The following HM13 variants were observed in gnomAD, a reference collection of about 807,000 sequenced individuals.
HM13 encodes the protein signal peptide peptidase.
HM13 carries 18 observed loss-of-function variants against 50.0 expected under a neutral mutation model. That is an observed-to-expected ratio of 0.36 (90% CI 0.25 to 0.53). The LOEUF (loss-of-function observed/expected upper bound fraction) is 0.53. HM13 is among the 20% of genes least tolerant of loss of function. The pLI, the probability that HM13 is intolerant of heterozygous loss-of-function variation, is 0.90. For missense variants in HM13, 393 were observed against 552.4 expected (o/e 0.71, Z 2.89); for synonymous variants, 197 against 232.6 (o/e 0.85, Z 1.39).
At chr20:31,543,428 G>A (rs1158919392) in intron 3 of HM13, among the ~76,000 whole-genome samples, 1 of 152,100 alleles carries the variant, frequency 6.6e-6, no homozygotes, top group Non-Finnish European at 1.5e-5. Flanking sequence ...TGGGATTACA[G>A]GCACCTGCCA....
chr20:31,537,484 C>G (rs556642832), intron 2 of HM13, among the ~76,000 whole-genome samples: 1 of 152,236 alleles, frequency 6.6e-6, no homozygotes, highest in Admixed American at 6.5e-5. Flanking sequence ...CTTATTCCCT[C>G]CAGGTTAGAG....
chr20:31,516,200 A>T (rs556338074), intron 1 of HM13, among the ~76,000 whole-genome samples: 12 of 152,304 alleles, frequency 7.9e-5, no homozygotes, highest in African/African-American at 2.6e-4. Context: ...CAGTTCTGAG[A>T]TAACCCAGGA....
At chr20:31,539,140 GTTGCTACTTTTATT>G in intron 3 of HM13, 7 of 985,460 alleles carry the variant, frequency 7.1e-6, no homozygotes, top group Non-Finnish European at 7.2e-6. Flanking sequence ...ATTAGAGGGG[GTTGCTACTTTTATT>G]TTGGACAGGC....
intron 2 of HM13, among the ~76,000 whole-genome samples, chr20:31,536,910 C>T (rs539525951): frequency 2.0e-5 from 3 of 152,214 alleles, no homozygotes; most frequent in South Asian, 2.1e-4. Context: ...CTGTTTCTTT[C>T]GAGATTCTTT....
rs200211874 is a variant in HM13 at position 31,561,528 on chromosome 20, A to AC, written c.846-99dup. 2,799 of 762,466 alleles carry AC rather than the reference A, an allele frequency of 3.7e-3. 43 individuals carry two copies. In the African/African-American group the frequency reaches 0.04, roughly 11 times the overall value. 47.2% of individuals were successfully genotyped at this position (762,466 alleles called of 1,614,324 possible). A position where few individuals can be genotyped will look rare whatever the true frequency, so the allele number is the denominator to read the frequency against. On this transcript the variant is annotated intron_variant, in intron 9 of 12. Coordinates refer to ENST00000398174, the MANE Select transcript of HM13 (RefSeq NM_178581.3). ...CAGACTCCCAGCCCAGAGCTCAGTC[A>AC]CCCCCCCACAACCTCTAGGGTCTTC...
At chr20:31,565,835 T>G (rs924124599) in intron 10 of HM13, among the ~76,000 whole-genome samples, 1 of 151,980 alleles carries the variant, frequency 6.6e-6, no homozygotes, top group Non-Finnish European at 1.5e-5. Flanking sequence ...TATAATAGCA[T>G]CTCCTGGAGC....
chr20:31,525,234 A>G (rs1453076522), intron 1 of HM13, among the ~76,000 whole-genome samples: 6 of 151,262 alleles, frequency 4.0e-5, no homozygotes, highest in African/African-American at 1.5e-4. Context: ...TCTAGCCCAC[A>G]CCTCCCTCTC....
At chr20:31,540,185 G>A (rs1441637119) in intron 3 of HM13, 1 of 152,268 alleles carries the variant, frequency 6.6e-6, no homozygotes, top group African/African-American at 2.4e-5. Context: ...ATTCTAGCTA[G>A]CTTGGGAGAA....
chr20:31,562,890 CAG>C (rs1437765664), intron 10 of HM13, among the ~76,000 whole-genome samples: 1 of 152,196 alleles, frequency 6.6e-6, no homozygotes, highest in Non-Finnish European at 1.5e-5. Context: ...GCAAGGGTCA[CAG>C]AGAGTGACTG....
In HM13 at chr20:31,557,174, GT is replaced by G. The variant is rs1308785512; in HGVS notation, c.808+2346del. Reference sequence around the variant, plus strand: ...CACGAGGGTATGGGCTTGCACCCATGTGTCTTCATAATTTGCAGTGCTGTGA... The same window carrying G: ...CACGAGGGTATGGGCTTGCACCCATGGTCTTCATAATTTGCAGTGCTGTGA... On this transcript the variant is annotated intron_variant, in intron 8 of 12. Coordinates refer to ENST00000398174, the MANE Select transcript of HM13 (RefSeq NM_178581.3). Among the ~76,000 whole-genome samples the G allele has an allele frequency of 1.2e-4, 18 of 152,338 alleles. 1 individual carries two copies. The East Asian group carries it at 3.5e-3, about 29-fold the overall frequency.
In HM13 at chr20:31,561,823, C is replaced by T. The variant is rs1984634520; in HGVS notation, c.948+87C>T. On this transcript the variant is annotated intron_variant, in intron 10 of 12. Coordinates refer to ENST00000398174, the MANE Select transcript of HM13 (RefSeq NM_178581.3). The stretch of plus-strand genomic sequence containing the variant: ...GGATTTATTTGTAAATGCAAGCAGT[C>T]CAGAGATAGGCACTCCCCACTGGTG... 2.2e-6 allele frequency: 2 copies of T among 912,304 alleles called. 1 individual carries two copies. Among genetic ancestry groups the T allele is most frequent in the Admixed American group, 3.7e-5 (2 of 53,944 alleles). 56.5% of individuals were successfully genotyped at this position (912,304 alleles called of 1,614,324 possible). A position where few individuals can be genotyped will look rare whatever the true frequency, so the allele number is the denominator to read the frequency against.
At chr20:31,533,240 C>G (rs1046694402) in intron 2 of HM13, among the ~76,000 whole-genome samples, 1 of 152,192 alleles carries the variant, frequency 6.6e-6, no homozygotes, top group Non-Finnish European at 1.5e-5. Flanking sequence ...TAGTGGCTCA[C>G]GCCTGTAATC....
intron 2 of HM13, among the ~76,000 whole-genome samples, chr20:31,536,206 A>G (rs1015707845): frequency 6.6e-6 from 1 of 152,176 alleles, no homozygotes; most frequent in Non-Finnish European, 1.5e-5. Context: ...TCTACTAAAA[A>G]TACAAAATTA....
At chr20:31,550,395 G>C (rs546320254) in intron 7 of HM13, 117 of 438,036 alleles carry the variant, frequency 2.7e-4, no homozygotes, top group Non-Finnish European at 4.7e-4. Context: ...AACCCAGCCC[G>C]GGGGGCACGC....
chr20:31,539,307 A>C, intron 3 of HM13: 1 of 985,476 alleles, frequency 1.0e-6, no homozygotes, highest in Non-Finnish European at 1.2e-6. Flanking sequence ...GCCCCGTTGA[A>C]GAGGTGCAGC....
chr20:31,547,406 G>T (rs1983785944), intron 4 of HM13: 2 of 447,914 alleles, frequency 4.5e-6, no homozygotes, highest in Admixed American at 4.4e-5. Flanking sequence ...CCGTCTGGCA[G>T]GCCGCGTGGC....
At chr20:31,521,820 A>G (rs1010589791) in intron 1 of HM13, among the ~76,000 whole-genome samples, 2 of 144,100 alleles carry the variant, frequency 1.4e-5, no homozygotes, top group African/African-American at 5.2e-5. Context: ...TGTTATTGTT[A>G]TTACTATTAT....
intron 10 of HM13, 111 bp downstream of exon 10, chr20:31,561,847 T>A: frequency 2.7e-6 from 2 of 752,538 alleles, no homozygotes; most frequent in Admixed American, 4.0e-5. Context: ...TCCCCACTGG[T>A]GTTGGAGCAG....
intron 1 of HM13, among the ~76,000 whole-genome samples, chr20:31,518,610 C>T (rs1251827757): frequency 6.6e-6 from 1 of 151,764 alleles, no homozygotes; most frequent in Non-Finnish European, 1.5e-5. Flanking sequence ...CATGCCACTG[C>T]ACTCCAGCCT....
Sources: gnomAD v4.1 joint callset for allele counts (sites outside exome capture counted in the v4.1 genomes callset) on GRCh38, gnomAD v4.1.1 for gene constraint, MANE v1.5 for transcripts, NCBI Gene and HGNC (gene_info 2026-07-23, HGNC 2026-07-21) for gene names.